Variants in SNX29 observed in about 807,000 individuals in gnomAD.
SNX29 encodes the protein sorting nexin-29.
In SNX29, 78 loss-of-function variants were observed where a neutral mutation model predicts 102.1. The observed-to-expected ratio is 0.76, with a 90% CI of 0.64 to 0.92. SNX29 has a LOEUF of 0.92. SNX29 is among the 40% of genes least tolerant of loss of function. SNX29 has a pLI of 0.00. For synonymous variants in SNX29, 580 were observed against 414.5 expected (o/e 1.40, Z -4.85); for missense variants, 1,280 against 1,061.7 (o/e 1.21, Z -2.86).
intron 3 of SNX29, among the ~76,000 whole-genome samples, chr16:12,017,891 T>TG (rs918785803): frequency 1.8e-4 from 27 of 151,914 alleles, no homozygotes; most frequent in South Asian, 8.3e-4. Context: ...TTTTTTTGGG[T>TG]GGGGGGGCTT....
intron 18 of SNX29, among the ~76,000 whole-genome samples, chr16:12,406,615 A>G (rs1433202261): frequency 6.6e-6 from 1 of 152,192 alleles, no homozygotes; most frequent in Non-Finnish European, 1.5e-5. Context: ...TATTAATTAA[A>G]ATGAGATTTA....
intron 18 of SNX29, among the ~76,000 whole-genome samples, chr16:12,465,543 G>A (rs1293857121): frequency 6.6e-6 from 1 of 152,042 alleles, no homozygotes; most frequent in Non-Finnish European, 1.5e-5. Flanking sequence ...TTACTTCTGG[G>A]CTTTGTTCTG....
At chr16:12,470,473 G>A (rs997404657) in intron 18 of SNX29, among the ~76,000 whole-genome samples, 16 of 152,180 alleles carry the variant, frequency 1.1e-4, no homozygotes, top group African/African-American at 3.4e-4. Flanking sequence ...GGGCTTGCGT[G>A]GCAGGGACTG....
chr16:12,392,013 G>T (rs2083547497), intron 16 of SNX29, among the ~76,000 whole-genome samples: 1 of 152,210 alleles, frequency 6.6e-6, no homozygotes, highest in South Asian at 2.1e-4. Context: ...TTCCCTCAAA[G>T]GCACCCATGG....
chr16:12,113,861 A>T (rs1316151644), intron 11 of SNX29, among the ~76,000 whole-genome samples: 1 of 152,184 alleles, frequency 6.6e-6, no homozygotes, highest in Non-Finnish European at 1.5e-5. Context: ...GGAGCCAGAA[A>T]CTGGTAGGGC....
intron 20 of SNX29, among the ~76,000 whole-genome samples, chr16:12,530,396 T>A (rs906138816): frequency 2.0e-5 from 3 of 152,006 alleles, no homozygotes; most frequent in Admixed American, 2.0e-4. Flanking sequence ...CCTAAAACAC[T>A]ACAGAAAGAA....
intron 16 of SNX29, among the ~76,000 whole-genome samples, chr16:12,367,984 G>A (rs1035339956): frequency 6.6e-6 from 1 of 152,224 alleles, no homozygotes; most frequent in Admixed American, 6.5e-5. Context: ...ATCTCTTTGG[G>A]CCTAGCTGTG....
intron 3 of SNX29, among the ~76,000 whole-genome samples, chr16:12,010,466 C>A (rs563500813): frequency 1.3e-4 from 20 of 152,082 alleles, no homozygotes; most frequent in Admixed American, 4.6e-4. Context: ...TACAAAAAAA[C>A]CAAAAATTAG....
intron 14 of SNX29, among the ~76,000 whole-genome samples, chr16:12,258,716 G>A (rs1163175844): frequency 6.6e-6 from 1 of 152,100 alleles, no homozygotes; most frequent in Non-Finnish European, 1.5e-5. Flanking sequence ...ATGGTACTTC[G>A]CTGCCTTTCC....
At chr16:12,197,948 A>G (rs1380825889) in intron 13 of SNX29, among the ~76,000 whole-genome samples, 3 of 152,088 alleles carry the variant, frequency 2.0e-5, no homozygotes, top group Non-Finnish European at 4.4e-5. Context: ...TGCATTGAAA[A>G]CAGACGCTCG....
At chr16:12,058,797 G>GTTTTTT (rs34150245) in intron 8 of SNX29, among the ~76,000 whole-genome samples, 1 of 113,744 alleles carries the variant, frequency 8.8e-6, no homozygotes, top group Non-Finnish European at 1.8e-5. Context: ...CCCGGCCTGG[G>GTTTTTT]TTTTTTTTTT....
chr16:12,032,574 T>G (rs2057375013), intron 4 of SNX29, among the ~76,000 whole-genome samples: 1 of 152,138 alleles, frequency 6.6e-6, no homozygotes, highest in Non-Finnish European at 1.5e-5. Context: ...TTTTGTTTAT[T>G]CCCATGACAG....
At chr16:12,532,795 A>C (rs1597781164) in intron 20 of SNX29, among the ~76,000 whole-genome samples, 1 of 152,080 alleles carries the variant, frequency 6.6e-6, no homozygotes, top group African/African-American at 2.4e-5. Context: ...AGGCAGGAGG[A>C]GGTGCGAAAG....
intron 4 of SNX29, among the ~76,000 whole-genome samples, chr16:12,035,681 G>T (rs1427219389): frequency 6.6e-6 from 1 of 152,092 alleles, no homozygotes; most frequent in East Asian, 1.9e-4. Flanking sequence ...ATGTGTGGCT[G>T]ATTCTGTTAG....
At chr16:12,062,054 G>T (rs377400935) in intron 9 of SNX29, among the ~76,000 whole-genome samples, 3 of 152,180 alleles carry the variant, frequency 2.0e-5, no homozygotes, top group African/African-American at 7.2e-5. Flanking sequence ...GTGCAGAAAA[G>T]TGCTTGGGGA....
chr16:12,557,025 C>G (rs1169580012), intron 20 of SNX29, among the ~76,000 whole-genome samples: 2 of 20,392 alleles, frequency 9.8e-5, no homozygotes, highest in South Asian at 2.2e-3. Context: ...ACCCCCCCCC[C>G]GCCCCAAGAT....
intron 16 of SNX29, among the ~76,000 whole-genome samples, chr16:12,389,421 G>C (rs2083447113): frequency 6.6e-6 from 1 of 152,110 alleles, no homozygotes; most frequent in Non-Finnish European, 1.5e-5. Context: ...AGATCTGAGG[G>C]TTTTATAAGG....
At chr16:12,556,162 T>C (rs1188200032) in intron 20 of SNX29, among the ~76,000 whole-genome samples, 1 of 152,174 alleles carries the variant, frequency 6.6e-6, no homozygotes, top group Admixed American at 6.5e-5. Flanking sequence ...AATCGCTTTG[T>C]CGCCATGACA....
chr16:12,383,021 C>G (rs2083227789), intron 16 of SNX29, among the ~76,000 whole-genome samples: 1 of 152,144 alleles, frequency 6.6e-6, no homozygotes, highest in Non-Finnish European at 1.5e-5. Flanking sequence ...GTGGACATAT[C>G]TTTTTGGAGG....
Sources: allele counts gnomAD v4.1 joint callset (sites outside exome capture counted in the v4.1 genomes callset), GRCh38; gene constraint gnomAD v4.1.1; transcripts MANE v1.5; gene names NCBI Gene and HGNC (gene_info 2026-07-23, HGNC 2026-07-21).